Variants in GRM3 observed in about 807,000 individuals in gnomAD.
GRM3 encodes the protein metabotropic glutamate receptor 3.
A neutral mutation model predicts 70.5 loss-of-function variants in GRM3; 26 were observed. The observed-to-expected ratio is 0.37, with a 90% confidence interval of 0.27 to 0.51. The LOEUF (loss-of-function observed/expected upper bound fraction) is 0.51. Among genes scored for constraint, GRM3 ranks in the 20% least tolerant of loss-of-function variants. GRM3 has a pLI of 0.93. For synonymous variants in GRM3, 443 were observed against 434.9 expected, an observed-to-expected ratio of 1.02 and a Z score of -0.23; for missense variants, 859 against 1,123.8, an observed-to-expected ratio of 0.76 and a Z score of 3.37.
Position 86,838,828 on chromosome 7 carries a change from A to C in GRM3, c.1325-11A>C, listed in dbSNP as rs367599440. 1.7e-5 allele frequency: 26 copies of C among 1,521,182 alleles called. 1 individual carries two copies. In the African/African-American group the frequency reaches 3.4e-4, roughly 20 times the overall value. The allele number at this position is 1,521,182 out of a possible 1,614,324, so 94.2% of individuals were successfully genotyped here. A position where few individuals can be genotyped will look rare whatever the true frequency, so the allele number is the denominator to read the frequency against. On this transcript the variant is annotated splice_polypyrimidine_tract_variant and intron_variant, in intron 3 of 5. Coordinates refer to ENST00000361669, the MANE Select transcript of GRM3 (RefSeq NM_000840.3). ...AGTGTTCTTTTTTTTCTTTCACTTT[A>C]CATATCACAGCTCCATTCAACCCAA...
Position 86,718,783 on chromosome 7 carries a change from A to C in GRM3, c.-140-46223A>C, listed in dbSNP as rs531115442. On this transcript the variant is annotated intron_variant, in intron 1 of 5. Transcript: ENST00000361669. Reference sequence around the variant, plus strand: ...CCTCAAAACCTTGGCATTGTACATTAAATACAGAAAGTTGAAATAAACATT... The same window carrying C: ...CCTCAAAACCTTGGCATTGTACATTCAATACAGAAAGTTGAAATAAACATT... Among the ~76,000 whole-genome samples the C allele has an allele frequency of 2.0e-5, 3 of 152,126 alleles. No homozygotes were observed. In the South Asian group the frequency reaches 6.2e-4, roughly 32 times the overall value.
chr7:86,651,396 C>A (rs1356786998), intron 1 of GRM3, among the ~76,000 whole-genome samples: 1 of 152,122 alleles, frequency 6.6e-6, no homozygotes, highest in African/African-American at 2.4e-5. Context: ...ATTTGCTTAA[C>A]AGTTTCAATG....
intron 4 of GRM3, among the ~76,000 whole-genome samples, chr7:86,847,714 T>C (rs1301936441): frequency 1.3e-5 from 2 of 152,126 alleles, no homozygotes; most frequent in Non-Finnish European, 2.9e-5. Flanking sequence ...GTGTCAAGCA[T>C]TGCTGCGAGT....
At chr7:86,801,394 GTTC>G (rs1797680494) in intron 3 of GRM3, among the ~76,000 whole-genome samples, 2 of 152,112 alleles carry the variant, frequency 1.3e-5, no homozygotes, top group African/African-American at 4.8e-5. Flanking sequence ...TTACAAGTTT[GTTC>G]TTCATGATAA....
chr7:86,854,825 A>C (rs1416520236), intron 5 of GRM3, among the ~76,000 whole-genome samples: 1 of 152,178 alleles, frequency 6.6e-6, no homozygotes, highest in Non-Finnish European at 1.5e-5. Context: ...TCTCTAGCCC[A>C]TCAAAGAGGA....
intron 1 of GRM3, among the ~76,000 whole-genome samples, chr7:86,663,971 G>A (rs1197712943): frequency 6.6e-6 from 1 of 151,950 alleles, no homozygotes; most frequent in Admixed American, 6.6e-5. Context: ...AGTGACATGA[G>A]CACAGATACT....
At chr7:86,702,918 G>A (rs878882969) in intron 1 of GRM3, among the ~76,000 whole-genome samples, 20 of 151,836 alleles carry the variant, frequency 1.3e-4, no homozygotes, top group Admixed American at 2.6e-4. Context: ...CAGAACAAAC[G>A]TAAAAGAAAA....
At chr7:86,845,920 G>A (rs1798646983) in intron 4 of GRM3, among the ~76,000 whole-genome samples, 1 of 152,118 alleles carries the variant, frequency 6.6e-6, no homozygotes, top group Non-Finnish European at 1.5e-5. Context: ...GGAACTCATG[G>A]CTTGTTCACT....
At chr7:86,784,357 C>T (rs1562862398) in intron 2 of GRM3, 2 of 152,044 alleles carry the variant, frequency 1.3e-5, no homozygotes. Flanking sequence ...TCTCTGTCTC[C>T]CTGAGGGGTT....
At chr7:86,821,652 G>A (rs186916442) in intron 3 of GRM3, among the ~76,000 whole-genome samples, 5 of 152,200 alleles carry the variant, frequency 3.3e-5, no homozygotes, top group East Asian at 3.9e-4. Flanking sequence ...CAAGGAGCTC[G>A]CAGTCTAGAC....
At position 86,752,609 on chromosome 7, in the gene GRM3, A is replaced by G. The variant is rs576277544; in HGVS notation, c.-140-12397A>G. Among the ~76,000 whole-genome samples, 5 of 152,208 alleles carry G rather than the reference A, an allele frequency of 3.3e-5. No individual in the cohort carries two copies. In the South Asian group the frequency reaches 1.0e-3, roughly 32 times the overall value. On this transcript the variant is annotated intron_variant, in intron 1 of 5. Coordinates refer to ENST00000361669, the MANE Select transcript of GRM3 (RefSeq NM_000840.3). ...TATTCCCTGAAACTCATCAAGGACAAGAGGGCAGAAGACAGCCCAGACTTG... is the reference window on the plus strand; with the variant it reads ...TATTCCCTGAAACTCATCAAGGACAGGAGGGCAGAAGACAGCCCAGACTTG...
chr7:86,667,434 C>T (rs1387901023), intron 1 of GRM3, among the ~76,000 whole-genome samples: 1 of 152,054 alleles, frequency 6.6e-6, no homozygotes, highest in South Asian at 2.1e-4. Context: ...CTGCATTTTT[C>T]TGATTTTATC....
intron 1 of GRM3, among the ~76,000 whole-genome samples, chr7:86,681,872 A>G (rs2299216): frequency 0.3 from 45,192 of 152,088 alleles, 8,568 homozygotes; most frequent in East Asian, 0.72. Flanking sequence ...TATTCCTGAG[A>G]AAAAAAGTTC....
chr7:86,746,130 G>A (rs1205241191), intron 1 of GRM3, among the ~76,000 whole-genome samples: 1 of 151,474 alleles, frequency 6.6e-6, no homozygotes, highest in Non-Finnish European at 1.5e-5. Flanking sequence ...TCTTTCAATA[G>A]TATTAACTTC....
intron 3 of GRM3, among the ~76,000 whole-genome samples, chr7:86,836,394 G>T (rs1798457910): frequency 6.6e-6 from 1 of 152,094 alleles, no homozygotes; most frequent in Non-Finnish European, 1.5e-5. Context: ...TTGGTACTTA[G>T]CTACAAGATA....
intron 1 of GRM3, among the ~76,000 whole-genome samples, chr7:86,756,198 C>G (rs894027492): frequency 6.6e-6 from 1 of 152,176 alleles, no homozygotes; most frequent in Non-Finnish European, 1.5e-5. Context: ...CCTGCCTCAG[C>G]CTCCCAAGTA....
intron 3 of GRM3, among the ~76,000 whole-genome samples, chr7:86,813,383 A>G (rs1797952053): frequency 6.6e-6 from 1 of 151,868 alleles, no homozygotes; most frequent in Admixed American, 6.6e-5. Context: ...TTTAGAGTCC[A>G]GTCAAGTTCC....
At chr7:86,825,030 A>C (rs1424465994) in intron 3 of GRM3, among the ~76,000 whole-genome samples, 1 of 152,210 alleles carries the variant, frequency 6.6e-6, no homozygotes, top group African/African-American at 2.4e-5. Context: ...TTTTCAGGTT[A>C]GTTCAAAATA....
At chr7:86,736,721 G>A (rs1312235898) in intron 1 of GRM3, among the ~76,000 whole-genome samples, 4 of 152,064 alleles carry the variant, frequency 2.6e-5, no homozygotes, top group African/African-American at 4.8e-5. Flanking sequence ...GACATATTCC[G>A]CTCATATCCC....
Sources: gnomAD v4.1 joint callset for allele counts (sites outside exome capture counted in the v4.1 genomes callset) on GRCh38, gnomAD v4.1.1 for gene constraint, MANE v1.5 for transcripts, NCBI Gene and HGNC (gene_info 2026-07-23, HGNC 2026-07-21) for gene names.